Variants in STARD13 observed in about 807,000 individuals in gnomAD.
STARD13 encodes stAR-related lipid transfer protein 13.
A neutral mutation model predicts 106.4 loss-of-function variants in STARD13; 62 were observed. The ratio of observed to expected loss-of-function variants is 0.58; its 90% CI spans 0.48 to 0.72. STARD13 has a LOEUF of 0.72. Among genes scored for constraint, STARD13 ranks in the 30% least tolerant of loss-of-function variants. STARD13 has a pLI of 0.00. For missense variants in STARD13, 1,387 were observed against 1,424.0 expected (o/e 0.97, Z 0.42); for synonymous variants, 565 against 553.0 (o/e 1.02, Z -0.31).
chr13:33,203,147 G>A (rs1318949405), intron 1 of STARD13, among the ~76,000 whole-genome samples: 4 of 152,120 alleles, frequency 2.6e-5, no homozygotes, highest in Non-Finnish European at 4.4e-5. Flanking sequence ...GTTGAATGGC[G>A]TGGCTCCCAA....
At chr13:33,323,120 G>A (rs535567391) in intron 1 of STARD13, among the ~76,000 whole-genome samples, 3 of 152,226 alleles carry the variant, frequency 2.0e-5, no homozygotes, top group South Asian at 4.1e-4. Flanking sequence ...GTAATGTGAC[G>A]AGGCCCCTAC....
At chr13:33,172,988 T>C (rs566903866) in intron 1 of STARD13, among the ~76,000 whole-genome samples, 37 of 152,084 alleles carry the variant, frequency 2.4e-4, no homozygotes, top group African/African-American at 8.4e-4. Flanking sequence ...GTGATCGTCA[T>C]GGGATTTAAG....
At chr13:33,431,377 G>A in the STARD13 span, among the ~76,000 whole-genome samples, 2 of 151,890 alleles carry the variant, frequency 1.3e-5, no homozygotes, top group African/African-American at 2.4e-5. Context: ...GAGATACTGG[G>A]CTAAATAAAA....
At chr13:33,499,604 T>TTCTTCTTCTTCCTCC in the STARD13 span, among the ~76,000 whole-genome samples, 1 of 39,898 alleles carries the variant, frequency 2.5e-5, no homozygotes, top group Non-Finnish European at 4.9e-5. Flanking sequence ...CTTCTTCTTC[T>TTCTTCTTCTTCCTCC]TTCTTCTTCT....
chr13:33,342,380 T>C (rs2077970295), intron 1 of STARD13, among the ~76,000 whole-genome samples: 1 of 152,204 alleles, frequency 6.6e-6, no homozygotes. Flanking sequence ...GCTAAAAACA[T>C]TTTTTATTTA....
At chr13:33,355,564 A>C (rs1382812000), upstream of STARD13, 4 of 152,142 alleles carry the variant, frequency 2.6e-5, no homozygotes, top group Non-Finnish European at 5.9e-5. Context: ...AGAAGGGTGA[A>C]GAGCTCTCGC....
At chr13:33,638,522 T>G in the STARD13 span, among the ~76,000 whole-genome samples, 1 of 152,170 alleles carries the variant, frequency 6.6e-6, no homozygotes, top group African/African-American at 2.4e-5. Context: ...GAAAAGAGTG[T>G]CTGGGTTAAG....
chr13:33,547,946 C>T, the STARD13 span, among the ~76,000 whole-genome samples: 1 of 152,044 alleles, frequency 6.6e-6, no homozygotes, highest in Non-Finnish European at 1.5e-5. Context: ...TTGAACAATG[C>T]CAATTTTTTC....
chr13:33,194,992 TC>T (rs1886514648), intron 1 of STARD13, among the ~76,000 whole-genome samples: 1 of 152,256 alleles, frequency 6.6e-6, no homozygotes, highest in African/African-American at 2.4e-5. Context: ...ACTCATATTT[TC>T]CCATGCTACT....
At chr13:33,322,128 A>C (rs1295413607) in intron 1 of STARD13, among the ~76,000 whole-genome samples, 1 of 152,252 alleles carries the variant, frequency 6.6e-6, no homozygotes, top group Non-Finnish European at 1.5e-5. Flanking sequence ...GCTAACAAGT[A>C]TTATAGCTCA....
chr13:33,119,066 C>T (rs1875845319), intron 7 of STARD13, among the ~76,000 whole-genome samples: 1 of 151,970 alleles, frequency 6.6e-6, no homozygotes, highest in South Asian at 2.1e-4. Context: ...GACAGAGTGG[C>T]CCTAATGAGA....
intron 1 of STARD13, among the ~76,000 whole-genome samples, chr13:33,274,684 G>A (rs148598572): frequency 2.5e-4 from 38 of 152,248 alleles, no homozygotes; most frequent in African/African-American, 9.1e-4. Context: ...GGAAGACTTA[G>A]GTGACTTATC....
intron 1 of STARD13, among the ~76,000 whole-genome samples, chr13:33,291,636 G>A (rs1389690422): frequency 1.3e-5 from 2 of 152,154 alleles, no homozygotes; most frequent in Non-Finnish European, 1.5e-5. Context: ...AGATACAAAG[G>A]TGAGTATGAT....
chr13:33,124,316 G>A (rs1416759760), intron 7 of STARD13, among the ~76,000 whole-genome samples: 1 of 152,222 alleles, frequency 6.6e-6, no homozygotes, highest in Non-Finnish European at 1.5e-5. Flanking sequence ...TTATAAGGTG[G>A]TGACTGACTG....
chr13:33,324,757 C>A (rs1893678801), intron 1 of STARD13, among the ~76,000 whole-genome samples: 1 of 152,266 alleles, frequency 6.6e-6, no homozygotes, highest in East Asian at 1.9e-4. Context: ...TATCCCAAAT[C>A]AAGAAAACCA....
At chr13:33,213,980 T>C (rs936862006) in intron 1 of STARD13, among the ~76,000 whole-genome samples, 4 of 152,182 alleles carry the variant, frequency 2.6e-5, no homozygotes, top group African/African-American at 9.7e-5. Flanking sequence ...GGCTGATCAC[T>C]TTCTAAGCTG....
chr13:33,583,368 G>A, the STARD13 span, among the ~76,000 whole-genome samples: 1 of 152,138 alleles, frequency 6.6e-6, no homozygotes, highest in Non-Finnish European at 1.5e-5. Flanking sequence ...CCTACCGAAG[G>A]AAGTCTGACT....
chr13:33,172,716 A>G (rs925363148), intron 1 of STARD13, among the ~76,000 whole-genome samples: 6 of 152,200 alleles, frequency 3.9e-5, no homozygotes, highest in Admixed American at 1.3e-4. Flanking sequence ...GCTCACTGAA[A>G]GGTATTGGGT....
chr13:33,303,144 T>C (rs1416312328), intron 1 of STARD13, among the ~76,000 whole-genome samples: 2 of 152,198 alleles, frequency 1.3e-5, no homozygotes, highest in Non-Finnish European at 2.9e-5. Context: ...GCCCCTCATG[T>C]GTACGCCACC....
Sources: gnomAD v4.1 joint callset for allele counts (sites outside exome capture counted in the v4.1 genomes callset) on GRCh38, gnomAD v4.1.1 for gene constraint, MANE v1.5 for transcripts, NCBI Gene and HGNC (gene_info 2026-07-23, HGNC 2026-07-21) for gene names.